DNAI7: variants seen among roughly 807,000 people sequenced by gnomAD.
The protein encoded by DNAI7 is dynein axonemal intermediate chain 7, also known as cancer susceptibility 1.
Under a neutral mutation model 86.6 loss-of-function variants are expected in DNAI7, and 78 were observed. The observed-to-expected ratio is 0.90, with a 90% confidence interval of 0.75 to 1.09. DNAI7 has a LOEUF of 1.09. Ranked by LOEUF, DNAI7 falls within the 50% of genes least tolerant of loss-of-function variation. The probability of loss-of-function intolerance (pLI) is 0.00; values close to 1 mark genes in which losing one functional copy is unlikely to be tolerated. For missense variants in DNAI7, 753 were observed against 810.2 expected, an observed-to-expected ratio of 0.93 and a Z score of 0.86; for synonymous variants, 274 against 273.0, an observed-to-expected ratio of 1.00 and a Z score of -0.04.
intron 10 of DNAI7, among the ~76,000 whole-genome samples, 157 bp downstream of exon 10, chr12:25,123,054 A>C (rs1355818338): frequency 6.6e-6 from 1 of 152,220 alleles, no homozygotes; most frequent in African/African-American, 2.4e-5. Flanking sequence ...GAGCAAAGAA[A>C]TCTGTTAACA....
intron 1 of DNAI7, among the ~76,000 whole-genome samples, chr12:25,193,630 T>C (rs191707026): frequency 6.0e-4 from 91 of 152,304 alleles, no homozygotes; most frequent in Non-Finnish European, 1.1e-3. Context: ...TCCGGGTGCA[T>C]TAGAAATAAA....
chr12:25,173,804 A>T (rs1415929690), intron 2 of DNAI7, among the ~76,000 whole-genome samples: 1 of 150,838 alleles, frequency 6.6e-6, no homozygotes. Flanking sequence ...ATATACACAC[A>T]CATCATATAT....
chr12:25,128,871 C>A (rs1349468592), intron 9 of DNAI7, among the ~76,000 whole-genome samples: 1 of 152,164 alleles, frequency 6.6e-6, no homozygotes, highest in African/African-American at 2.4e-5. Flanking sequence ...GCCAGAATAA[C>A]CTTTCAGGGC....
intron 2 of DNAI7, among the ~76,000 whole-genome samples, chr12:25,173,965 TATGGAATACATATATCATATAC>T (rs1555181007): frequency 2.8e-5 from 4 of 143,568 alleles, no homozygotes; most frequent in Admixed American, 6.8e-5. Flanking sequence ...ATATCATATA[TATGGAATACATATATCATATAC>T]ATGGAATACA....
At chr12:25,179,284 T>C (rs1240926474) in intron 2 of DNAI7, among the ~76,000 whole-genome samples, 1 of 152,176 alleles carries the variant, frequency 6.6e-6, no homozygotes, top group Non-Finnish European at 1.5e-5. Context: ...TTTTGTATCA[T>C]AGTATACTAG....
At position 25,146,599 on chromosome 12, in the gene DNAI7, C is replaced by CAAAAAAA. The variant is rs55857702; in HGVS notation, c.689+395_689+401dup. On this transcript the variant is annotated intron_variant, in intron 8 of 15. Coordinates refer to ENST00000395987, the MANE Select transcript of DNAI7 (RefSeq NM_018272.5). The stretch of plus-strand genomic sequence containing the variant: ...TGGACGACAGAGCAAGACTGTGTCT[C>CAAAAAAA]AAAAAAAAAAGAAAAAGAAAGCACC... 3.1e-3 allele frequency among the ~76,000 whole-genome samples: 435 copies of CAAAAAAA among 140,310 alleles called. 4 individuals are homozygous for CAAAAAAA. Among genetic ancestry groups the CAAAAAAA allele is most frequent in the East Asian group, 0.01 (49 of 4,718 alleles). The allele number at this position is 140,310 out of a possible 152,430, so 92.0% of individuals were successfully genotyped here.
chr12:25,161,341 C>G (rs4405405), intron 2 of DNAI7, 144 bp from the exon 3 acceptor site: 681,422 of 681,878 alleles, frequency 1, 340,485 homozygotes, highest in East Asian at 1. Flanking sequence ...AAGACTGCCT[C>G]TTAGTGTAAA....
intron 6 of DNAI7, among the ~76,000 whole-genome samples, chr12:25,150,095 T>A (rs1448732881): frequency 2.0e-5 from 3 of 152,196 alleles, no homozygotes; most frequent in African/African-American, 4.8e-5. Flanking sequence ...GATGCAATGA[T>A]CACTTAGCAA....
intron 1 of DNAI7, among the ~76,000 whole-genome samples, chr12:25,194,354 T>C (rs547860755): frequency 7.2e-5 from 11 of 152,376 alleles, no homozygotes; most frequent in African/African-American, 2.6e-4. Flanking sequence ...CTTGGTATTC[T>C]TGGCTTCTAG....
Position 25,174,520 on chromosome 12 carries a change from C to T in DNAI7, c.22-13323G>A, listed in dbSNP as rs375584322. ...TCCCATATATATGGGATATATATAT[C>T]ATATATATCATATATATGGGATATA... is the stretch of plus-strand genomic sequence containing the variant. On this transcript the variant is annotated intron_variant, in intron 2 of 15. Transcript: ENST00000395987. Among the ~76,000 whole-genome samples, 140 of 17,360 alleles carry T rather than the reference C, an allele frequency of 8.1e-3. 29 individuals carry two copies. The highest frequency in any genetic ancestry group is 0.071 in the Middle Eastern group (2 of 28). 11.4% of individuals were successfully genotyped at this position (17,360 alleles called of 152,430 possible).
chr12:25,114,092 T>A (rs1375975685), intron 13 of DNAI7, among the ~76,000 whole-genome samples: 1 of 151,980 alleles, frequency 6.6e-6, no homozygotes, highest in Non-Finnish European at 1.5e-5. Context: ...ATTACAGGTG[T>A]GTGCCACCAC....
At chr12:25,188,098 A>G (rs562992429) in intron 2 of DNAI7, among the ~76,000 whole-genome samples, 1 of 152,382 alleles carries the variant, frequency 6.6e-6, no homozygotes, top group South Asian at 2.1e-4. Flanking sequence ...AGATAGAAGC[A>G]AACATCTTCT....
intron 1 of DNAI7, among the ~76,000 whole-genome samples, chr12:25,192,448 A>G (rs920240679): frequency 2.0e-5 from 3 of 152,210 alleles, no homozygotes; most frequent in African/African-American, 7.2e-5. Flanking sequence ...AGAAATGCAT[A>G]TTTATGGACT....
chr12:25,167,776 C>A (rs1046009405), intron 2 of DNAI7, among the ~76,000 whole-genome samples: 1 of 152,140 alleles, frequency 6.6e-6, no homozygotes, highest in African/African-American at 2.4e-5. Flanking sequence ...CAAGCTGCCA[C>A]CCTCCTCCGC....
chr12:25,163,220 C>A (rs1947030402), intron 2 of DNAI7, among the ~76,000 whole-genome samples: 1 of 152,214 alleles, frequency 6.6e-6, no homozygotes, highest in African/African-American at 2.4e-5. Flanking sequence ...AACTGTCAGG[C>A]CTCTGAGCCC....
At chr12:25,155,473 T>C in intron 4 of DNAI7, 61 bp from the exon 5 acceptor site, 6 of 892,432 alleles carry the variant, frequency 6.7e-6, no homozygotes, top group Non-Finnish European at 1.0e-5. Flanking sequence ...GTTTCACAAG[T>C]AGCATCTAAA....
At chr12:25,191,122 AGCAC>A (rs1950473610) in intron 1 of DNAI7, among the ~76,000 whole-genome samples, 1 of 152,250 alleles carries the variant, frequency 6.6e-6, no homozygotes, top group South Asian at 2.1e-4. Context: ...AGTTATTTAA[AGCAC>A]GCAAAGTAGC....
Position 25,158,453 on chromosome 12 carries a change from A to G in DNAI7, c.198+19T>C. The stretch of plus-strand genomic sequence containing the variant: ...CATAGTTTAAGTATTCATTAAGAAC[A>G]TTATTAATGTTTATTTACTTTTGCT... On this transcript the variant is annotated intron_variant, in intron 4 of 15. Coordinates refer to ENST00000395987, the MANE Select transcript of DNAI7 (RefSeq NM_018272.5). 4.4e-6 allele frequency: 7 copies of G among 1,574,140 alleles called. No individual in the cohort carries two copies. The highest frequency in any genetic ancestry group is 6.1e-6 in the Non-Finnish European group (7 of 1,146,396).
rs1300029718 is a variant in DNAI7, at chr12:25,183,538, G to C, written c.21+7076C>G. Reference sequence around the variant, plus strand: ...AGCTATATAAGCTTTTGTTTTTCTAGTAATTTGTATAGTATGACTTTTTCC... The same window carrying C: ...AGCTATATAAGCTTTTGTTTTTCTACTAATTTGTATAGTATGACTTTTTCC... On this transcript the variant is annotated intron_variant, in intron 2 of 15. Transcript: ENST00000395987. 5.3e-5 allele frequency among the ~76,000 whole-genome samples: 8 copies of C among 151,882 alleles called. No homozygotes were observed. The East Asian group carries it at 1.6e-3, about 29-fold the overall frequency.
Sources: gnomAD v4.1 joint callset for allele counts (sites outside exome capture counted in the v4.1 genomes callset) on GRCh38, gnomAD v4.1.1 for gene constraint, MANE v1.5 for transcripts, NCBI Gene and HGNC (gene_info 2026-07-23, HGNC 2026-07-21) for gene names.